CSMD2: variants seen among roughly 807,000 people sequenced by gnomAD.
The protein encoded by CSMD2 is CUB and sushi domain-containing protein 2.
Under a neutral mutation model 398.5 loss-of-function variants are expected in CSMD2, and 130 were observed. That is an observed-to-expected ratio of 0.33 (90% confidence interval 0.28 to 0.38). The LOEUF (loss-of-function observed/expected upper bound fraction) is 0.38. CSMD2 is among the 10% of genes least tolerant of loss of function. CSMD2 has a pLI of 1.00. For missense variants in CSMD2, 3,829 were observed against 4,764.9 expected (o/e 0.80, Z 5.78); for synonymous variants, 1,828 against 1,908.5 (o/e 0.96, Z 1.10).
chr1:34,137,277 AG>A (rs1638849544), intron 1 of CSMD2, among the ~76,000 whole-genome samples: 1 of 135,318 alleles, frequency 7.4e-6, no homozygotes, highest in Admixed American at 7.2e-5. Context: ...GCGGCAAGCA[AG>A]GCCCAGTGAG....
intron 3 of CSMD2, 22 bp from the exon 4 acceptor site, chr1:33,935,976 G>A (rs746525731): frequency 1.9e-6 from 3 of 1,592,010 alleles, no homozygotes; most frequent in Admixed American, 1.7e-5. Context: ...AACAGAGAAA[G>A]AGACGGGTAC....
At chr1:33,605,954 C>T in intron 41 of CSMD2, 1 of 1,613,724 alleles carries the variant, frequency 6.2e-7, no homozygotes, top group Non-Finnish European at 8.5e-7. Flanking sequence ...CAAAACCTCT[C>T]AGGAAGGAAG....
In CSMD2 at chr1:33,602,379, T is replaced by C. The variant is rs1359228096; in HGVS notation, c.6700A>G (p.Ile2234Val). 7 of 1,613,780 alleles carry C rather than the reference T, an allele frequency of 4.3e-6. No individual in the cohort carries two copies. The South Asian group carries it at 6.6e-5, about 15-fold the overall frequency. Residue 2234 changes from isoleucine (I) to valine (V), a missense_variant, in exon 43 of 71, where the codon ATC (isoleucine) becomes GTC (valine). By Grantham distance (29) the Ile-to-Val change is conservative. This residue lies in a region of CSMD2 where 723 missense variants were observed against 758.6 expected (regional missense o/e 0.95). Transcript: ENST00000373381. ...TGGCACCTGGCCTACCAGATGGTGATGAAATCTCCAGAGGGCTCTGTCTGC... is the reference window on the plus strand; with the variant it reads ...TGGCACCTGGCCTACCAGATGGTGACGAAATCTCCAGAGGGCTCTGTCTGC... The part of the protein sequence containing the change: ...LLQTEPSGDF[I>V]TIWDGPQQTA...
At position 33,611,119 on chromosome 1, in the gene CSMD2, A is replaced by G; in HGVS notation, c.6265T>C (p.Ser2089Pro). 1 of 1,613,962 alleles carries G rather than the reference A, an allele frequency of 6.2e-7. No individual in the cohort carries two copies. Among genetic ancestry groups the G allele is most frequent in the Non-Finnish European group, 8.5e-7 (1 of 1,180,006 alleles). The change falls in exon 41 of 71, where the codon TCC becomes CCC. Residue 2089 changes from serine to proline, a missense_variant. Ser to Pro is a moderately conservative substitution (Grantham distance 74, BLOSUM62 -1). Transcript: ENST00000373381. ...TACACGGTGGTCTCGTGGGACGTGG[A>G]GAGGAGGGAGCTTGGAAGCTCGCTT... Reference protein sequence around the residue: ...SGSELPSSLLSTSHETTVYFH... With the variant: ...SGSELPSSLLPTSHETTVYFH...
intron 3 of CSMD2, among the ~76,000 whole-genome samples, chr1:34,029,548 C>T (rs1442492368): frequency 1.3e-5 from 2 of 152,208 alleles, no homozygotes; most frequent in Non-Finnish European, 2.9e-5. Context: ...AAGTGCAACT[C>T]ACATTTGTCC....
intron 6 of CSMD2, among the ~76,000 whole-genome samples, chr1:33,833,940 C>G (rs1430503076): frequency 1.3e-5 from 2 of 150,476 alleles, no homozygotes; most frequent in Non-Finnish European, 3.0e-5. Flanking sequence ...ATCCAACTTA[C>G]AAGGGATGTG....
At chr1:33,634,375 A>G (rs1388921465) in intron 31 of CSMD2, among the ~76,000 whole-genome samples, 1 of 152,142 alleles carries the variant, frequency 6.6e-6, no homozygotes, top group Non-Finnish European at 1.5e-5. Flanking sequence ...GTGCTTGCCC[A>G]TCCTGTCTTG....
chr1:34,064,278 T>C (rs1654869042), intron 2 of CSMD2, among the ~76,000 whole-genome samples: 1 of 152,242 alleles, frequency 6.6e-6, no homozygotes, highest in Admixed American at 6.5e-5. Flanking sequence ...TACTGCATCA[T>C]CAGGCTGCAA....
chr1:33,813,693 A>T lies in CSMD2; in HGVS notation c.1325-2829T>A, dbSNP rs111314673. Among the ~76,000 whole-genome samples, 8 of 152,198 alleles carry T rather than the reference A, an allele frequency of 5.3e-5. 2 individuals are homozygous for T. Among genetic ancestry groups the T allele is most frequent in the African/African-American group, 1.9e-4 (8 of 41,540 alleles). On this transcript the variant is annotated intron_variant, in intron 9 of 70. Transcript: ENST00000373381. ...CCACAGCCAGTTCTGACACTGAAAC[A>T]ACTTGGTGCCAAAGAAGAGAACTGC...
intron 2 of CSMD2, among the ~76,000 whole-genome samples, chr1:34,044,667 G>A (rs534047426): frequency 3.2e-4 from 48 of 152,214 alleles, no homozygotes; most frequent in Non-Finnish European, 5.0e-4. Context: ...CTCCACTTCC[G>A]AGGGTGATCT....
intron 3 of CSMD2, among the ~76,000 whole-genome samples, chr1:33,988,684 T>A (rs571900): frequency 0.11 from 17,125 of 151,770 alleles, 1,631 homozygotes; most frequent in East Asian, 0.42. Flanking sequence ...ACACCTGACA[T>A]GTCACAGAAA....
chr1:33,726,418 C>T lies in CSMD2; in HGVS notation c.2507+129G>A, dbSNP rs1557797331. 3.5e-6 allele frequency: 4 copies of T among 1,138,260 alleles called. No individual in the cohort carries two copies. The African/African-American group carries it at 4.7e-5, about 13-fold the overall frequency. The allele number at this position is 1,138,260 out of a possible 1,614,324, so 70.5% of individuals were successfully genotyped here. ...TCTGCCCCACCCAGGGCAATTTGGT[C>T]CAGTGTTCTCCAACCTTGCTGACAT... On this transcript the variant is annotated intron_variant, in intron 16 of 70. Coordinates refer to ENST00000373381, the MANE Select transcript of CSMD2 (RefSeq NM_001281956.2).
chr1:33,921,895 A>G (rs1197216418), intron 4 of CSMD2, among the ~76,000 whole-genome samples: 1 of 152,192 alleles, frequency 6.6e-6, no homozygotes, highest in Non-Finnish European at 1.5e-5. Flanking sequence ...TGGGGAGATC[A>G]GAGACAGAGA....
At chr1:34,128,532 G>A (rs910506082) in intron 1 of CSMD2, among the ~76,000 whole-genome samples, 1 of 152,204 alleles carries the variant, frequency 6.6e-6, no homozygotes, top group Non-Finnish European at 1.5e-5. Flanking sequence ...GGTGTTCAAA[G>A]AAGCCTGAAG....
intron 5 of CSMD2, among the ~76,000 whole-genome samples, chr1:33,917,163 C>T (rs982893019): frequency 4.6e-5 from 7 of 152,186 alleles, no homozygotes; most frequent in African/African-American, 9.7e-5. Flanking sequence ...ATTCCCACTG[C>T]GGCACCCCCT....
chr1:33,519,604 G>T lies in CSMD2; in HGVS notation c.10810C>A (p.Pro3604Thr). Residue 3604 changes from proline to threonine, a missense_variant, in exon 70 of 71, where the codon CCA (proline) becomes ACA (threonine). Pro to Thr is a conservative substitution (Grantham distance 38). Coordinates refer to ENST00000373381, the MANE Select transcript of CSMD2 (RefSeq NM_001281956.2). The surrounding 1 kb of genome is among the most constrained non-coding windows in gnomAD (Gnocchi z 5.6). ...NTNVRATFEN[P>T]MYDRNIQPTD... ...GGCTGGATGTTGCGGTCGTACATTGGGTTCTCAAATGTGGCCCGAACATTG... is the reference window on the plus strand; with the variant it reads ...GGCTGGATGTTGCGGTCGTACATTGTGTTCTCAAATGTGGCCCGAACATTG... The T allele has an allele frequency of 6.2e-7, 1 of 1,614,074 alleles. No homozygotes were observed.
At chr1:33,907,257 C>T (rs1213366213) in intron 5 of CSMD2, among the ~76,000 whole-genome samples, 2 of 151,520 alleles carry the variant, frequency 1.3e-5, no homozygotes, top group Non-Finnish European at 2.9e-5. Flanking sequence ...TAGCTGGGAC[C>T]ACAGGCGTCT....
At chr1:33,775,670 A>T (rs1651874130) in intron 12 of CSMD2, among the ~76,000 whole-genome samples, 1 of 152,236 alleles carries the variant, frequency 6.6e-6, no homozygotes. Context: ...GTTTTAAGGT[A>T]CTAGTGGGAC....
At chr1:33,876,281 G>A (rs1640834268) in intron 5 of CSMD2, among the ~76,000 whole-genome samples, 1 of 152,168 alleles carries the variant, frequency 6.6e-6, no homozygotes, top group Admixed American at 6.5e-5. Flanking sequence ...AGGGGAACTG[G>A]TCAAGAGATA....
Sources: allele counts gnomAD v4.1 joint callset (sites outside exome capture counted in the v4.1 genomes callset), GRCh38; gene constraint gnomAD v4.1.1; regional missense constraint gnomAD v4.1.1; non-coding constraint Gnocchi (gnomAD v3.1); transcripts MANE v1.5; gene names NCBI Gene and HGNC (gene_info 2026-07-23, HGNC 2026-07-21).